The following DGKG variants were observed in gnomAD, a reference collection of about 807,000 sequenced individuals.
DGKG encodes diacylglycerol kinase gamma, also known as DAG kinase gamma.
In DGKG, 78 loss-of-function variants were observed where a neutral mutation model predicts 105.3. The ratio of observed to expected loss-of-function variants is 0.74; its 90% CI spans 0.62 to 0.89. The LOEUF is 0.89. DGKG is among the 40% of genes least tolerant of loss of function. The pLI, the probability that DGKG is intolerant of heterozygous loss-of-function variation, is 0.00. For missense variants in DGKG, 958 were observed against 1,020.1 expected, an observed-to-expected ratio of 0.94 and a Z score of 0.83; for synonymous variants, 346 against 367.1, an observed-to-expected ratio of 0.94 and a Z score of 0.66.
intron 20 of DGKG, among the ~76,000 whole-genome samples, chr3:186,224,132 T>A (rs957224014): frequency 1.3e-5 from 2 of 152,174 alleles, no homozygotes; most frequent in Admixed American, 1.3e-4. Context: ...CCTACTTAAA[T>A]CTCATTTTAA....
chr3:186,174,053 T>C (rs1054549109), intron 22 of DGKG, among the ~76,000 whole-genome samples: 2 of 152,252 alleles, frequency 1.3e-5, no homozygotes, highest in Non-Finnish European at 2.9e-5. Context: ...TGTACCCCTG[T>C]GACAGGTTGT....
intron 11 of DGKG, 88 bp from the exon 12 acceptor site, chr3:186,269,005 A>T (rs1722192044): frequency 2.2e-6 from 2 of 899,724 alleles, no homozygotes; most frequent in African/African-American, 3.3e-5. Flanking sequence ...CTGGGAGGGG[A>T]CGCGGGGGAG....
At chr3:186,238,064 A>C (rs935578695) in intron 20 of DGKG, among the ~76,000 whole-genome samples, 2 of 152,002 alleles carry the variant, frequency 1.3e-5, no homozygotes, top group Non-Finnish European at 2.9e-5. Context: ...AGGCCATGGC[A>C]GGCAAATCAC....
chr3:186,239,129 G>A (rs1396724065), intron 20 of DGKG, among the ~76,000 whole-genome samples: 1 of 152,160 alleles, frequency 6.6e-6, no homozygotes, highest in Non-Finnish European at 1.5e-5. Flanking sequence ...GCCAAGAAAA[G>A]GGAATCAGCA....
intron 20 of DGKG, among the ~76,000 whole-genome samples, chr3:186,228,292 T>G (rs1719951020): frequency 6.6e-6 from 1 of 152,120 alleles, no homozygotes; most frequent in South Asian, 2.1e-4. Flanking sequence ...CTGATGCCCC[T>G]CTTCCTTCTC....
At chr3:186,152,170 A>G (rs1005531244) in intron 24 of DGKG, among the ~76,000 whole-genome samples, 1 of 152,198 alleles carries the variant, frequency 6.6e-6, no homozygotes, top group Non-Finnish European at 1.5e-5. Context: ...ACCTGGTGCT[A>G]AAAGCTGAAA....
At chr3:186,243,526 T>A (rs1720786532) in intron 19 of DGKG, among the ~76,000 whole-genome samples, 1 of 152,156 alleles carries the variant, frequency 6.6e-6, no homozygotes, top group African/African-American at 2.4e-5. Flanking sequence ...CTCCAAAGTG[T>A]CAATCTCTAG....
At position 186,150,081 on chromosome 3, in the gene DGKG, G is replaced by A. The variant is rs1204859428; in HGVS notation, c.*9C>T. The A allele has an allele frequency of 1.9e-6, 3 of 1,609,964 alleles. No homozygotes were observed. Among genetic ancestry groups the A allele is most frequent in the Non-Finnish European group, 1.7e-6 (2 of 1,178,302 alleles). On this transcript the variant is annotated 3_prime_UTR_variant, in exon 25 of 25. Transcript: ENST00000265022. ...TCTCTCTTGGTTTAGCTGGTGTTTG[G>A]CACACTGTTTAGTCTTTTGAACGGC...
intron 3 of DGKG, among the ~76,000 whole-genome samples, chr3:186,304,342 C>A (rs1724124825): frequency 6.6e-6 from 1 of 152,230 alleles, no homozygotes; most frequent in Non-Finnish European, 1.5e-5. Flanking sequence ...GGTGCATTCT[C>A]AGTCTCGCCC....
intron 10 of DGKG, among the ~76,000 whole-genome samples, chr3:186,272,975 C>T (rs139054646): frequency 0.014 from 2,171 of 152,184 alleles, 18 homozygotes; most frequent in Non-Finnish European, 0.02. Flanking sequence ...GTGACCCACC[C>T]GCCTCAGCCT....
chr3:186,199,500 T>G (rs1255060077), intron 21 of DGKG, among the ~76,000 whole-genome samples: 1 of 152,148 alleles, frequency 6.6e-6, no homozygotes, highest in Non-Finnish European at 1.5e-5. Flanking sequence ...AACCCTACAA[T>G]GTCAGTATTT....
In DGKG at chr3:186,231,819, G is replaced by C. The variant is rs749800113; in HGVS notation, c.1826+10685C>G. Among the ~76,000 whole-genome samples the C allele has an allele frequency of 6.6e-6, 1 of 152,134 alleles. No individual in the cohort carries two copies. Among genetic ancestry groups the C allele is most frequent in the Non-Finnish European group, 1.5e-5 (1 of 68,036 alleles). On this transcript the variant is annotated intron_variant, in intron 20 of 24. Transcript: ENST00000265022. This position sits in a 1 kb window ranked among gnomAD's most constrained non-coding sequence, Gnocchi z 4.5. ...ACCTGTAATCCCAGCTAATCAGGAG[G>C]CTGAGGCAGGAGAATTGCTTGAACC...
chr3:186,359,729 T>C (rs1407474073), intron 1 of DGKG, among the ~76,000 whole-genome samples: 1 of 152,192 alleles, frequency 6.6e-6, no homozygotes, highest in African/African-American at 2.4e-5. Context: ...ATGGATTGTA[T>C]AATTTCGAGG....
At chr3:186,173,336 C>A (rs1716918519) in intron 22 of DGKG, among the ~76,000 whole-genome samples, 13 of 152,234 alleles carry the variant, frequency 8.5e-5, no homozygotes, top group Admixed American at 8.5e-4. Flanking sequence ...TGAAAGTGAT[C>A]TGTAAAAAGC....
chr3:186,296,582 G>C (rs1378828003), intron 5 of DGKG, among the ~76,000 whole-genome samples: 2 of 152,202 alleles, frequency 1.3e-5, no homozygotes, highest in Non-Finnish European at 2.9e-5. Context: ...GCCCAACAGT[G>C]GGCCTATGGG....
intron 1 of DGKG, among the ~76,000 whole-genome samples, chr3:186,323,126 G>A (rs530200505): frequency 4.6e-5 from 7 of 152,144 alleles, no homozygotes; most frequent in Admixed American, 2.6e-4. Flanking sequence ...CATCTCTCTC[G>A]GTAATAAAAT....
At position 186,234,115 on chromosome 3, in the gene DGKG, C is replaced by A. The variant is rs543785841; in HGVS notation, c.1826+8389G>T. 7.9e-5 allele frequency among the ~76,000 whole-genome samples: 12 copies of A among 152,316 alleles called. No individual in the cohort carries two copies. In the East Asian group the frequency reaches 1.3e-3, roughly 17 times the overall value. ...ATTAATGTCCTATTTGGGGCTTAAC[C>A]CAGTCTTGCATTCCAGTCACCTTTT... On this transcript the variant is annotated intron_variant, in intron 20 of 24. Transcript: ENST00000265022.
chr3:186,350,307 C>T (rs1726566526), intron 1 of DGKG, among the ~76,000 whole-genome samples: 1 of 152,212 alleles, frequency 6.6e-6, no homozygotes, highest in African/African-American at 2.4e-5. Context: ...ATGAATTTAA[C>T]TACTATAAGT....
intron 20 of DGKG, among the ~76,000 whole-genome samples, chr3:186,215,881 T>C (rs186223024): frequency 3.9e-5 from 6 of 152,086 alleles, no homozygotes; most frequent in East Asian, 3.9e-4. Context: ...ATCTTTTCAT[T>C]CATCCATCCA....
Sources: gnomAD v4.1 joint callset for allele counts (sites outside exome capture counted in the v4.1 genomes callset) on GRCh38, gnomAD v4.1.1 for gene constraint, Gnocchi (gnomAD v3.1) non-coding constraint, MANE v1.5 for transcripts, NCBI Gene and HGNC (gene_info 2026-07-23, HGNC 2026-07-21) for gene names.